ADGB: variants seen among roughly 807,000 people sequenced by gnomAD.
ADGB encodes the protein calpain-7-like protein.
In ADGB, 172 loss-of-function variants were observed where a neutral mutation model predicts 210.5. The ratio of observed to expected loss-of-function variants is 0.82; its 90% CI spans 0.72 to 0.93. ADGB has a LOEUF of 0.93. Ranked by LOEUF, ADGB falls within the 40% of genes least tolerant of loss-of-function variation. ADGB has a pLI of 0.00. For synonymous variants in ADGB, 658 were observed against 662.7 expected (o/e 0.99, Z 0.11); for missense variants, 2,025 against 1,964.8 (o/e 1.03, Z -0.58).
At chr6:146,691,405 A>G (rs1421304062) in intron 11 of ADGB, 115 bp downstream of exon 11, 2 of 169,186 alleles carry the variant, frequency 1.2e-5, no homozygotes, top group East Asian at 1.3e-4. Context: ...TCTAAAGCCT[A>G]TGTTTAATAT....
At chr6:146,813,111 C>T (rs937689568) in intron 35 of ADGB, among the ~76,000 whole-genome samples, 1 of 152,078 alleles carries the variant, frequency 6.6e-6, no homozygotes, top group Non-Finnish European at 1.5e-5. Flanking sequence ...GAGTTTTTTG[C>T]CTCTAAGCCC....
At chr6:146,688,785 T>C (rs566340614) in intron 10 of ADGB, among the ~76,000 whole-genome samples, 167 of 152,256 alleles carry the variant, frequency 1.1e-3, no homozygotes, top group Non-Finnish European at 1.6e-3. Flanking sequence ...GGAGATACAA[T>C]GTCTTAAGAA....
At chr6:146,689,532 T>G (rs1474111429) in intron 10 of ADGB, among the ~76,000 whole-genome samples, 5 of 152,136 alleles carry the variant, frequency 3.3e-5, no homozygotes, top group Non-Finnish European at 7.4e-5. Context: ...TTTAAATCAT[T>G]TTATTTTCTA....
chr6:146,732,237 C>G (rs946214182), intron 20 of ADGB, among the ~76,000 whole-genome samples: 3 of 152,064 alleles, frequency 2.0e-5, no homozygotes, highest in African/African-American at 7.2e-5. Flanking sequence ...GGATGCTGGC[C>G]GAGGTACCAA....
intron 29 of ADGB, among the ~76,000 whole-genome samples, chr6:146,776,115 C>T (rs1777717618): frequency 6.6e-6 from 1 of 152,018 alleles, no homozygotes; most frequent in African/African-American, 2.4e-5. Context: ...TGCTAATGGC[C>T]TTTTGAGCTC....
At chr6:146,606,514 T>G (rs868733090) in intron 1 of ADGB, among the ~76,000 whole-genome samples, 2 of 152,186 alleles carry the variant, frequency 1.3e-5, no homozygotes, top group Non-Finnish European at 2.9e-5. Context: ...TCTTCTAGGG[T>G]GTTTTTTCAA....
chr6:146,610,917 T>C (rs1224847518), intron 1 of ADGB, among the ~76,000 whole-genome samples: 1 of 152,082 alleles, frequency 6.6e-6, no homozygotes, highest in Non-Finnish European at 1.5e-5. Context: ...CACGCTGGCA[T>C]GGACAGGCCA....
At chr6:146,728,531 C>G in intron 19 of ADGB, 43 bp from the exon 20 acceptor site, 1 of 1,529,548 alleles carries the variant, frequency 6.5e-7, no homozygotes, top group Non-Finnish European at 8.8e-7. Flanking sequence ...CTAGATGACA[C>G]TTAAGGATGA....
At chr6:146,696,816 G>A (rs1349468216) in intron 12 of ADGB, among the ~76,000 whole-genome samples, 3 of 152,270 alleles carry the variant, frequency 2.0e-5, no homozygotes, top group African/African-American at 7.2e-5. Context: ...GAGAGCCAGA[G>A]AGGCTTGGTG....
At chr6:146,762,884 C>A (rs942707689) in intron 27 of ADGB, among the ~76,000 whole-genome samples, 4 of 152,186 alleles carry the variant, frequency 2.6e-5, no homozygotes, top group African/African-American at 9.7e-5. Context: ...ATTAAGCTCA[C>A]AGCCCCCCAG....
At chr6:146,703,176 G>A (rs1776517020) in intron 13 of ADGB, among the ~76,000 whole-genome samples, 1 of 151,710 alleles carries the variant, frequency 6.6e-6, no homozygotes, top group South Asian at 2.1e-4. Flanking sequence ...TGTGAAATAT[G>A]GAGACTTATT....
At chr6:146,689,615 G>A (rs1232088600) in intron 10 of ADGB, among the ~76,000 whole-genome samples, 8 of 152,046 alleles carry the variant, frequency 5.3e-5, no homozygotes, top group Non-Finnish European at 1.5e-5. Context: ...ATTAACATAT[G>A]TAGACCAAAA....
chr6:146,709,773 A>G (rs1264642209), intron 13 of ADGB, among the ~76,000 whole-genome samples: 1 of 152,144 alleles, frequency 6.6e-6, no homozygotes, highest in African/African-American at 2.4e-5. Flanking sequence ...TCCCAAGTAG[A>G]GGGTATCTCT....
intron 13 of ADGB, 65 bp from the exon 14 acceptor site, chr6:146,715,317 A>C: frequency 7.8e-7 from 1 of 1,282,704 alleles, no homozygotes. Context: ...TCTTTTAGTA[A>C]CTTTGGTGCT....
chr6:146,807,569 G>A (rs1268905601), intron 35 of ADGB: 5 of 1,535,808 alleles, frequency 3.3e-6, no homozygotes, highest in Non-Finnish European at 4.4e-6. Flanking sequence ...AGAAAAAAAA[G>A]AAAGGAAAGA....
chr6:146,601,821 C>T (rs1299170155), intron 1 of ADGB, among the ~76,000 whole-genome samples: 1 of 152,096 alleles, frequency 6.6e-6, no homozygotes, highest in African/African-American at 2.4e-5. Flanking sequence ...TGGCTTTTGC[C>T]TCATATGTCA....
intron 7 of ADGB, 39 bp from the exon 8 acceptor site, chr6:146,672,181 A>C (rs75612181): frequency 6.9e-7 from 1 of 1,452,398 alleles, no homozygotes; most frequent in Non-Finnish European, 9.1e-7. Context: ...AAAAAAAAAA[A>C]CATCGTTTGG....
intron 3 of ADGB, among the ~76,000 whole-genome samples, chr6:146,653,831 T>C (rs113400025): frequency 0.014 from 2,171 of 152,288 alleles, 45 homozygotes; most frequent in African/African-American, 0.048. Context: ...AATTACATTT[T>C]TATCACCTAT....
At chr6:146,728,882 A>G (rs774619943) in intron 20 of ADGB, 141 bp downstream of exon 20, 108 of 687,330 alleles carry the variant, frequency 1.6e-4, no homozygotes, top group Non-Finnish European at 2.2e-4. Flanking sequence ...GATTTCAGAA[A>G]GCAGAAATGA....
Sources: allele counts gnomAD v4.1 joint callset (sites outside exome capture counted in the v4.1 genomes callset), GRCh38; gene constraint gnomAD v4.1.1; transcripts MANE v1.5; gene names NCBI Gene and HGNC (gene_info 2026-07-23, HGNC 2026-07-21).